KCNJ6: variants seen among roughly 807,000 people sequenced by gnomAD.
KCNJ6 encodes the protein G protein-activated inward rectifier potassium channel 2.
Under a neutral mutation model 34.2 loss-of-function variants are expected in KCNJ6, and 9 were observed. That is an observed-to-expected ratio of 0.26 (90% CI 0.16 to 0.46). KCNJ6 has a LOEUF of 0.46. KCNJ6 is among the 20% of genes least tolerant of loss of function. KCNJ6 has a pLI of 1.00. For synonymous variants in KCNJ6, 196 were observed against 207.1 expected, an observed-to-expected ratio of 0.95 and a Z score of 0.46; for missense variants, 236 against 531.3, an observed-to-expected ratio of 0.44 and a Z score of 5.46.
At chr21:37,696,027 C>T (rs2054661870) in intron 3 of KCNJ6, among the ~76,000 whole-genome samples, 1 of 152,170 alleles carries the variant, frequency 6.6e-6, no homozygotes, top group African/African-American at 2.4e-5. Flanking sequence ...CAAGAGGAAT[C>T]CATGAATCCA....
chr21:37,870,584 CAA>C lies in KCNJ6; in HGVS notation c.-27-29877_-27-29876del, dbSNP rs201828842. On this transcript the variant is annotated intron_variant, in intron 1 of 3. Coordinates refer to ENST00000609713, the MANE Select transcript of KCNJ6 (RefSeq NM_002240.5). The stretch of plus-strand genomic sequence containing the variant: ...TACATTAAAAATACTTAGAACAATT[CAA>C]AATTTTGTTTTTTTTGGTTTCCAAA... Among the ~76,000 whole-genome samples the C allele has an allele frequency of 6.3e-4, 34 of 54,144 alleles. 1 individual carries two copies. The East Asian group carries it at 0.019, about 30-fold the overall frequency. The allele number at this position is 54,144 out of a possible 152,430, so 35.5% of individuals were successfully genotyped here. A position where few individuals can be genotyped will look rare whatever the true frequency, so the allele number is the denominator to read the frequency against.
At chr21:37,797,803 G>A (rs1040969955) in intron 2 of KCNJ6, among the ~76,000 whole-genome samples, 3 of 152,196 alleles carry the variant, frequency 2.0e-5, no homozygotes, top group African/African-American at 7.2e-5. Context: ...GGCAGGATAC[G>A]ATGTGTGGAG....
chr21:37,825,792 C>T (rs972598727), intron 2 of KCNJ6, among the ~76,000 whole-genome samples: 4 of 152,156 alleles, frequency 2.6e-5, no homozygotes, highest in Admixed American at 6.5e-5. Context: ...AGAACAAAGG[C>T]GTGTCCTACA....
intron 3 of KCNJ6, among the ~76,000 whole-genome samples, chr21:37,708,198 A>C (rs2054731404): frequency 6.6e-6 from 1 of 152,204 alleles, no homozygotes; most frequent in African/African-American, 2.4e-5. Context: ...CTTGTCTTCT[A>C]AAGTATGGGA....
At chr21:37,668,257 A>C (rs2054525841) in intron 3 of KCNJ6, among the ~76,000 whole-genome samples, 1 of 152,158 alleles carries the variant, frequency 6.6e-6, no homozygotes, top group African/African-American at 2.4e-5. Context: ...GTTCAGCCCC[A>C]CGTGAGGAGT....
At chr21:37,862,579 A>T (rs2055600031) in intron 1 of KCNJ6, among the ~76,000 whole-genome samples, 1 of 152,228 alleles carries the variant, frequency 6.6e-6, no homozygotes, top group African/African-American at 2.4e-5. Context: ...TCTTGCTTCT[A>T]TCTGGGCAGC....
At chr21:37,691,511 T>C (rs865951116) in intron 3 of KCNJ6, among the ~76,000 whole-genome samples, 3 of 152,160 alleles carry the variant, frequency 2.0e-5, no homozygotes, top group Non-Finnish European at 2.9e-5. Context: ...TTGACACCTA[T>C]TGAATGGGAG....
At chr21:37,814,289 C>T (rs959690122) in intron 2 of KCNJ6, among the ~76,000 whole-genome samples, 9 of 152,088 alleles carry the variant, frequency 5.9e-5, no homozygotes, top group Non-Finnish European at 7.4e-5. Flanking sequence ...AAAAGACAGG[C>T]GAGGATGTGA....
intron 2 of KCNJ6, among the ~76,000 whole-genome samples, chr21:37,831,750 A>G (rs1333443606): frequency 6.6e-6 from 1 of 152,166 alleles, no homozygotes; most frequent in African/African-American, 2.4e-5. Context: ...CAGGAGGGGC[A>G]CACGGTCCTG....
At chr21:37,806,503 C>T (rs13047669) in intron 2 of KCNJ6, among the ~76,000 whole-genome samples, 12,694 of 152,216 alleles carry the variant, frequency 0.083, 656 homozygotes, top group South Asian at 0.19. Context: ...CCCCCCTCCC[C>T]GGGTCTTTAT....
At chr21:37,689,161 G>A (rs2054628345) in intron 3 of KCNJ6, among the ~76,000 whole-genome samples, 1 of 152,132 alleles carries the variant, frequency 6.6e-6, no homozygotes, top group Non-Finnish European at 1.5e-5. Context: ...CCCATTACAG[G>A]AAAGCTTGCA....
chr21:37,751,241 C>T (rs977430799), intron 2 of KCNJ6, among the ~76,000 whole-genome samples: 1 of 152,238 alleles, frequency 6.6e-6, no homozygotes, highest in Non-Finnish European at 1.5e-5. Flanking sequence ...TGCTAATTTT[C>T]CAATCTCTCA....
chr21:37,879,881 A>G (rs1181826945), intron 1 of KCNJ6, among the ~76,000 whole-genome samples: 1 of 152,002 alleles, frequency 6.6e-6, no homozygotes, highest in Non-Finnish European at 1.5e-5. Flanking sequence ...GTTATTTTCT[A>G]TAGGGTCCAA....
intron 2 of KCNJ6, among the ~76,000 whole-genome samples, chr21:37,764,507 GAGCTGAGATTAC>G (rs143278551): frequency 5.1e-4 from 77 of 152,022 alleles, no homozygotes; most frequent in African/African-American, 1.8e-3. Context: ...GCCTCCTGAG[GAGCTGAGATTAC>G]AGGCGTGCGC....
intron 3 of KCNJ6, among the ~76,000 whole-genome samples, chr21:37,702,251 A>AAG (rs1208098431): frequency 6.6e-6 from 1 of 151,436 alleles, no homozygotes; most frequent in Non-Finnish European, 1.5e-5. Flanking sequence ...AAAAAAAAAA[A>AAG]AAAGCTCTGA....
intron 1 of KCNJ6, among the ~76,000 whole-genome samples, chr21:37,889,369 C>G (rs2055750880): frequency 1.3e-5 from 2 of 152,096 alleles, no homozygotes; most frequent in South Asian, 4.1e-4. Flanking sequence ...AAGGAGCCCT[C>G]CAGAATCCCC....
At chr21:37,663,495 C>T (rs2054499574) in intron 3 of KCNJ6, among the ~76,000 whole-genome samples, 1 of 151,542 alleles carries the variant, frequency 6.6e-6, no homozygotes, top group Admixed American at 6.6e-5. Context: ...ATACTGTTTA[C>T]AAGAGGCACT....
At chr21:37,908,306 G>A (rs1457108883) in intron 1 of KCNJ6, among the ~76,000 whole-genome samples, 1 of 152,162 alleles carries the variant, frequency 6.6e-6, no homozygotes, top group African/African-American at 2.4e-5. Flanking sequence ...AAAAGGTATG[G>A]AACTTAGTTT....
chr21:37,642,071 T>A (rs778429886), intron 3 of KCNJ6, among the ~76,000 whole-genome samples: 5 of 152,184 alleles, frequency 3.3e-5, no homozygotes, highest in Non-Finnish European at 7.3e-5. Context: ...TTGGACATGT[T>A]TACATTGTTG....
Sources: allele counts gnomAD v4.1 joint callset (sites outside exome capture counted in the v4.1 genomes callset), GRCh38; gene constraint gnomAD v4.1.1; transcripts MANE v1.5; gene names NCBI Gene and HGNC (gene_info 2026-07-23, HGNC 2026-07-21).